Variants in CABIN1 observed in about 807,000 individuals in gnomAD.
The protein encoded by CABIN1 is calcineurin binding protein 1.
A neutral mutation model predicts 227.7 loss-of-function variants in CABIN1; 133 were observed. The observed-to-expected ratio is 0.58, with a 90% CI of 0.51 to 0.67. CABIN1 has a LOEUF of 0.67. Among genes scored for constraint, CABIN1 ranks in the 30% least tolerant of loss-of-function variants. The pLI is 0.00. For missense variants in CABIN1, 2,408 were observed against 2,852.5 expected, an observed-to-expected ratio of 0.84 and a Z score of 3.55; for synonymous variants, 1,086 against 1,155.1, an observed-to-expected ratio of 0.94 and a Z score of 1.21.
intron 1 of CABIN1, among the ~76,000 whole-genome samples, chr22:24,012,409 C>G (rs138461980): frequency 5.9e-5 from 9 of 152,192 alleles, no homozygotes; most frequent in African/African-American, 2.2e-4. Flanking sequence ...TTGCAGAACC[C>G]TCATCTAGTA....
At chr22:24,065,250 G>A (rs1250491253) in intron 15 of CABIN1, among the ~76,000 whole-genome samples, 107 of 151,912 alleles carry the variant, frequency 7.0e-4, no homozygotes, top group African/African-American at 2.5e-3. Context: ...CTTCTCAGAC[G>A]GGGCGGCTGC....
Position 24,042,889 on chromosome 22 carries a change from T to TGTGTGTGTGTGTGTG in CABIN1, c.346-15_346-14insGTGTGTGTGTGTGTG. 1 of 1,481,026 alleles carries TGTGTGTGTGTGTGTG rather than the reference T, an allele frequency of 6.8e-7. No individual in the cohort carries two copies. The highest frequency in any genetic ancestry group is 2.6e-5 in the East Asian group (1 of 38,484). The allele number at this position is 1,481,026 out of a possible 1,614,324, so 91.7% of individuals were successfully genotyped here. Reference sequence around the variant, plus strand: ...GTGTGTGTGTGTGTTTGCCCTCTGCTTGTGTCGCTTCCAGGCAGTGATGCT... The same window carrying TGTGTGTGTGTGTGTG: ...GTGTGTGTGTGTGTTTGCCCTCTGCTGTGTGTGTGTGTGTGTGTGTCGCTTCCAGGCAGTGATGCT... On this transcript the variant is annotated splice_polypyrimidine_tract_variant and intron_variant, in intron 5 of 36. Transcript: ENST00000263119.
chr22:24,042,152 C>T (rs557182742), intron 5 of CABIN1, among the ~76,000 whole-genome samples: 2 of 152,304 alleles, frequency 1.3e-5, no homozygotes, highest in East Asian at 1.9e-4. Flanking sequence ...GATGGAGTTT[C>T]GCCATGTTAC....
chr22:24,168,074 C>A (rs964308659), intron 32 of CABIN1, among the ~76,000 whole-genome samples: 1 of 152,226 alleles, frequency 6.6e-6, no homozygotes, highest in African/African-American at 2.4e-5. Flanking sequence ...GTCTGCCTGC[C>A]AGCCTCAGCT....
In CABIN1 at chr22:24,034,698, G is replaced by T. The variant is rs368863547; in HGVS notation, c.-74-746G>T. 6.0e-4 allele frequency among the ~76,000 whole-genome samples: 91 copies of T among 152,270 alleles called. 1 individual carries two copies. In the South Asian group the frequency reaches 0.018, roughly 30 times the overall value. On this transcript the variant is annotated intron_variant, in intron 1 of 36. Coordinates refer to ENST00000263119, the MANE Select transcript of CABIN1 (RefSeq NM_012295.4). ...AACTAGCAGACTGTTTTCCGCAAGG[G>T]TTGCACCAGTTTACATTCCCAGCAA...
intron 1 of CABIN1, among the ~76,000 whole-genome samples, chr22:24,027,589 A>G (rs1189601839): frequency 3.3e-5 from 5 of 152,242 alleles, no homozygotes; most frequent in African/African-American, 1.2e-4. Flanking sequence ...TGGAACCTTT[A>G]AGAGTTAATT....
chr22:24,075,124 G>A (rs966408845), intron 18 of CABIN1, among the ~76,000 whole-genome samples: 16 of 152,100 alleles, frequency 1.1e-4, no homozygotes, highest in Admixed American at 2.0e-4. Flanking sequence ...GATGACTTGA[G>A]CCCAGGAGTT....
intron 5 of CABIN1, 26 bp from the exon 6 acceptor site, chr22:24,042,852 GTGTGTGTGTGTGTGTGTGTGTGTGTT>G: frequency 2.2e-6 from 2 of 923,020 alleles, no homozygotes; most frequent in African/African-American, 3.3e-5. Context: ...GTGTGTGTGT[GTGTGTGTGTGTGTGTGTGTGTGTGTT>G]TGCCCTCTGC....
intron 29 of CABIN1, among the ~76,000 whole-genome samples, chr22:24,159,101 A>G (rs949749730): frequency 1.3e-5 from 2 of 152,108 alleles, no homozygotes; most frequent in African/African-American, 4.8e-5. Context: ...GTTCTCTGAG[A>G]TTTCATCTTG....
chr22:24,055,957 A>C (rs1018346961), intron 9 of CABIN1, among the ~76,000 whole-genome samples: 14 of 152,204 alleles, frequency 9.2e-5, no homozygotes, highest in African/African-American at 3.4e-4. Context: ...TGTGGAAAGT[A>C]ATCTTGAAAT....
intron 19 of CABIN1, among the ~76,000 whole-genome samples, chr22:24,078,341 A>C (rs1324958889): frequency 2.0e-5 from 3 of 152,204 alleles, no homozygotes; most frequent in Non-Finnish European, 4.4e-5. Flanking sequence ...AAAGACATTC[A>C]TTAATTTCCC....
intron 33 of CABIN1, among the ~76,000 whole-genome samples, 184 bp downstream of exon 33, chr22:24,168,705 C>T (rs188237851): frequency 1.1e-4 from 16 of 152,344 alleles, no homozygotes; most frequent in African/African-American, 3.1e-4. Flanking sequence ...AGGAACTTGA[C>T]GGCCCAGACC....
chr22:24,121,046 G>A (rs2043380747), intron 28 of CABIN1, among the ~76,000 whole-genome samples: 1 of 152,214 alleles, frequency 6.6e-6, no homozygotes, highest in Admixed American at 6.5e-5. Flanking sequence ...TTCTGGGCTG[G>A]CATTGGTGTA....
intron 29 of CABIN1, among the ~76,000 whole-genome samples, chr22:24,161,434 G>A (rs1483558214): frequency 2.0e-5 from 3 of 152,206 alleles, no homozygotes; most frequent in Admixed American, 2.0e-4. Context: ...GGAACTGGGA[G>A]AGGCGAGGCA....
At chr22:24,145,528 T>C (rs1241857408) in intron 29 of CABIN1, among the ~76,000 whole-genome samples, 1 of 152,048 alleles carries the variant, frequency 6.6e-6, no homozygotes, top group Non-Finnish European at 1.5e-5. Flanking sequence ...ACTGATGGGA[T>C]GAGGGGAAGC....
chr22:24,116,906 G>A (rs963427417), intron 27 of CABIN1, among the ~76,000 whole-genome samples: 1 of 152,218 alleles, frequency 6.6e-6, no homozygotes, highest in African/African-American at 2.4e-5. Context: ...TTCCCTGCCT[G>A]CGGCAGGCAC....
chr22:24,095,401 G>T (rs2041826222), intron 24 of CABIN1, among the ~76,000 whole-genome samples: 1 of 152,204 alleles, frequency 6.6e-6, no homozygotes, highest in South Asian at 2.1e-4. Context: ...GGGCCCAATG[G>T]ATGCAATGAG....
chr22:24,164,666 C>G (rs923505730), intron 30 of CABIN1, 103 bp downstream of exon 30: 178 of 1,326,676 alleles, frequency 1.3e-4, no homozygotes, highest in Non-Finnish European at 1.8e-4. Context: ...GTGAGGACCA[C>G]TGGCTGGGAG....
chr22:24,145,341 A>G (rs2045042609), intron 29 of CABIN1, among the ~76,000 whole-genome samples: 1 of 152,202 alleles, frequency 6.6e-6, no homozygotes, highest in Non-Finnish European at 1.5e-5. Flanking sequence ...TCAGGGCTCC[A>G]AAGTGCTGTG....
Sources: gnomAD v4.1 joint callset for allele counts (sites outside exome capture counted in the v4.1 genomes callset) on GRCh38, gnomAD v4.1.1 for gene constraint, MANE v1.5 for transcripts, NCBI Gene and HGNC (gene_info 2026-07-23, HGNC 2026-07-21) for gene names.